The following SYT16 variants were observed in gnomAD, a reference collection of about 807,000 sequenced individuals.
SYT16 encodes synaptotagmin 16.
Under a neutral mutation model 61.4 loss-of-function variants are expected in SYT16, and 42 were observed. The ratio of observed to expected loss-of-function variants is 0.68; its 90% CI spans 0.53 to 0.89. SYT16 has a LOEUF of 0.89. Ranked by LOEUF, SYT16 falls within the 40% of genes least tolerant of loss-of-function variation. The pLI, the probability that SYT16 is intolerant of heterozygous loss-of-function variation, is 0.00. For missense variants in SYT16, 804 were observed against 807.3 expected (o/e 1.00, Z 0.05); for synonymous variants, 314 against 302.3 (o/e 1.04, Z -0.40).
At chr14:62,004,353 G>A (rs942379561) in intron 3 of SYT16, among the ~76,000 whole-genome samples, 1 of 152,062 alleles carries the variant, frequency 6.6e-6, no homozygotes, top group Non-Finnish European at 1.5e-5. Context: ...ACAGCATGGG[G>A]GAAACTGCCT....
At chr14:62,041,972 G>A (rs2054749602) in intron 3 of SYT16, among the ~76,000 whole-genome samples, 1 of 151,976 alleles carries the variant, frequency 6.6e-6, no homozygotes, top group Non-Finnish European at 1.5e-5. Flanking sequence ...ATCTCTATAA[G>A]TTTCATTTGA....
At chr14:62,072,503 A>T (rs1458943913) in intron 4 of SYT16, among the ~76,000 whole-genome samples, 1 of 152,112 alleles carries the variant, frequency 6.6e-6, no homozygotes, top group Non-Finnish European at 1.5e-5. Context: ...TGGGAAAGGT[A>T]GGGGGAAACT....
rs528826002 is a variant in SYT16, at chr14:61,857,880, TTGTC to T, written c.-325+45087_-325+45090del. Among the ~76,000 whole-genome samples the T allele has an allele frequency of 8.2e-4, 125 of 152,038 alleles. 4 individuals are homozygous for T. The South Asian group carries it at 0.024, about 30-fold the overall frequency. On this transcript the variant is annotated intron_variant, in intron 1 of 7. Transcript: ENST00000683842. ...GGAAGGAAAGTTTGGTCCCTTCTGA[TTGTC>T]TGTCTGTCTGTCTGTCATTTTGACA...
At chr14:61,912,134 G>A (rs1303619756) in intron 1 of SYT16, among the ~76,000 whole-genome samples, 1 of 152,150 alleles carries the variant, frequency 6.6e-6, no homozygotes, top group East Asian at 1.9e-4. Flanking sequence ...TTGATTACCA[G>A]TTAATATTTG....
At chr14:62,032,654 C>T (rs141843649) in intron 3 of SYT16, among the ~76,000 whole-genome samples, 324 of 151,460 alleles carry the variant, frequency 2.1e-3, no homozygotes, top group African/African-American at 7.4e-3. Context: ...AACTCTCATC[C>T]GGAAGTTTTG....
At chr14:61,817,028 C>CAA (rs1370646900) in intron 1 of SYT16, among the ~76,000 whole-genome samples, 5 of 71,578 alleles carry the variant, frequency 7.0e-5, no homozygotes, top group African/African-American at 1.2e-4. Context: ...CACACACACA[C>CAA]AAAAAAAGCA....
intron 3 of SYT16, among the ~76,000 whole-genome samples, chr14:62,000,299 C>T (rs1336230576): frequency 6.6e-6 from 1 of 150,866 alleles, no homozygotes; most frequent in Non-Finnish European, 1.5e-5. Flanking sequence ...GTGAATTGAC[C>T]TCTTTGTCAT....
rs139512276 is a variant in SYT16, at chr14:61,954,970, CTTTT to C, written c.-324-15158_-324-15155del. Among the ~76,000 whole-genome samples, 711 of 151,792 alleles carry C rather than the reference CTTTT, an allele frequency of 4.7e-3. 3 individuals are homozygous for C. The highest frequency in any genetic ancestry group is 0.016 in the African/African-American group (674 of 41,202). ...AAATATATATATTTTGAATTTAAAA[CTTTT>C]TTTGAGATAAAATTCATATATCATA... is the stretch of plus-strand genomic sequence containing the variant. On this transcript the variant is annotated intron_variant, in intron 1 of 7. Coordinates refer to ENST00000683842, the MANE Select transcript of SYT16 (RefSeq NM_001367656.1).
At chr14:62,038,963 G>A (rs1000164555) in intron 3 of SYT16, among the ~76,000 whole-genome samples, 3 of 152,160 alleles carry the variant, frequency 2.0e-5, no homozygotes, top group African/African-American at 7.2e-5. Flanking sequence ...CAACAACTTT[G>A]TAAGGCAAGG....
intron 1 of SYT16, among the ~76,000 whole-genome samples, chr14:61,961,415 A>G (rs1187267880): frequency 6.6e-6 from 1 of 152,196 alleles, no homozygotes; most frequent in African/African-American, 2.4e-5. Flanking sequence ...ACTTAAAAAA[A>G]CTTACAAGCA....
chr14:61,970,981 C>A (rs571226250), intron 2 of SYT16, among the ~76,000 whole-genome samples: 1 of 151,848 alleles, frequency 6.6e-6, no homozygotes, highest in African/African-American at 2.4e-5. Flanking sequence ...TTTTCCATAC[C>A]CCACGAGGTA....
chr14:61,878,747 T>C (rs2047590836), intron 1 of SYT16, among the ~76,000 whole-genome samples: 1 of 152,212 alleles, frequency 6.6e-6, no homozygotes, highest in Admixed American at 6.5e-5. Flanking sequence ...CCTCTTCTGC[T>C]GTGGACTAGG....
At chr14:61,844,251 T>G (rs996821591) in intron 1 of SYT16, among the ~76,000 whole-genome samples, 15 of 152,182 alleles carry the variant, frequency 9.9e-5, no homozygotes, top group African/African-American at 3.6e-4. Context: ...CCTGCAACTT[T>G]ATAGAATTTA....
At chr14:62,044,872 G>A (rs1214034486) in intron 3 of SYT16, among the ~76,000 whole-genome samples, 1 of 152,168 alleles carries the variant, frequency 6.6e-6, no homozygotes, top group Non-Finnish European at 1.5e-5. Context: ...GAGTGCAGTG[G>A]CTCACGCCTG....
chr14:61,894,601 T>C (rs1161924845), intron 1 of SYT16, among the ~76,000 whole-genome samples: 2 of 152,198 alleles, frequency 1.3e-5, no homozygotes, highest in Admixed American at 1.3e-4. Flanking sequence ...ATAATTTAAC[T>C]GATGGCTGGG....
chr14:62,112,236 T>C lies in SYT16; in HGVS notation c.*11529T>C, dbSNP rs1269719981. The stretch of plus-strand genomic sequence containing the variant: ...AACTTTACCTGTGACAAGGAATAAA[T>C]TCATGATTAGAAGAATTATACTGTT... On this transcript the variant is annotated 3_prime_UTR_variant, in exon 8 of 8. Transcript: ENST00000683842. 6.6e-6 allele frequency: 1 copy of C among 152,124 alleles called. No individual in the cohort carries two copies. Among genetic ancestry groups the C allele is most frequent in the East Asian group, 1.9e-4 (1 of 5,202 alleles). 9.4% of individuals were successfully genotyped at this position (152,124 alleles called of 1,614,324 possible).
chr14:61,880,600 C>T, intron 1 of SYT16, among the ~76,000 whole-genome samples: 1 of 152,120 alleles, frequency 6.6e-6, no homozygotes, highest in Non-Finnish European at 1.5e-5. Context: ...CTCATTAACA[C>T]ATATATTGCT....
chr14:62,074,273 T>G (rs1339358256), intron 4 of SYT16, among the ~76,000 whole-genome samples: 1 of 151,460 alleles, frequency 6.6e-6, no homozygotes, highest in Non-Finnish European at 1.5e-5. Flanking sequence ...ACTGAAGGAG[T>G]CAGGGAAGTC....
chr14:61,826,796 C>A (rs532380282), intron 1 of SYT16, among the ~76,000 whole-genome samples: 1 of 152,012 alleles, frequency 6.6e-6, no homozygotes, highest in Non-Finnish European at 1.5e-5. Context: ...TCCTACAGTT[C>A]TAGAGGTTGT....
Sources: gnomAD v4.1 joint callset for allele counts (sites outside exome capture counted in the v4.1 genomes callset) on GRCh38, gnomAD v4.1.1 for gene constraint, MANE v1.5 for transcripts, NCBI Gene and HGNC (gene_info 2026-07-23, HGNC 2026-07-21) for gene names.